The following PRDM5 variants were observed in gnomAD, a reference collection of about 807,000 sequenced individuals.
PRDM5 encodes PR domain zinc finger protein 5.
In PRDM5, 56 loss-of-function variants were observed where a neutral mutation model predicts 81.2. The observed-to-expected ratio is 0.69, with a 90% confidence interval of 0.56 to 0.86. The LOEUF is 0.86. Ranked by LOEUF, PRDM5 falls within the 40% of genes least tolerant of loss-of-function variation. The probability of loss-of-function intolerance (pLI) is 0.00; values close to 1 mark genes in which losing one functional copy is unlikely to be tolerated. For synonymous variants in PRDM5, 267 were observed against 256.4 expected, an observed-to-expected ratio of 1.04 and a Z score of -0.39; for missense variants, 697 against 770.1, an observed-to-expected ratio of 0.91 and a Z score of 1.12.
chr4:120,756,651 T>C (rs1017737914), intron 13 of PRDM5, among the ~76,000 whole-genome samples: 11 of 152,372 alleles, frequency 7.2e-5, no homozygotes, highest in African/African-American at 2.6e-4. Flanking sequence ...CATAGCAGAA[T>C]GTGACTGCTA....
chr4:120,885,904 CA>C (rs1018189828), intron 2 of PRDM5: 2 of 151,276 alleles, frequency 1.3e-5, no homozygotes, highest in African/African-American at 4.9e-5. Context: ...TTCTTTTAGT[CA>C]AACAATTTGG....
intron 1 of PRDM5, among the ~76,000 whole-genome samples, chr4:120,911,764 C>T (rs1035491605): frequency 2.0e-5 from 3 of 152,006 alleles, no homozygotes; most frequent in African/African-American, 7.3e-5. Flanking sequence ...TTCCACAGAC[C>T]AAATTTAGAA....
At chr4:120,785,569 C>T (rs1436164928) in intron 10 of PRDM5, among the ~76,000 whole-genome samples, 1 of 152,150 alleles carries the variant, frequency 6.6e-6, no homozygotes, top group African/African-American at 2.4e-5. Context: ...GTCCTAGGTG[C>T]TGCTTTTCCC....
At chr4:120,792,113 A>T (rs1450576364) in intron 10 of PRDM5, among the ~76,000 whole-genome samples, 1 of 152,180 alleles carries the variant, frequency 6.6e-6, no homozygotes, top group African/African-American at 2.4e-5. Flanking sequence ...CCCATTACAA[A>T]CTGTGACCGA....
intron 7 of PRDM5, among the ~76,000 whole-genome samples, chr4:120,814,425 A>G (rs943980043): frequency 6.6e-6 from 1 of 152,216 alleles, no homozygotes; most frequent in African/African-American, 2.4e-5. Context: ...AATTAATACA[A>G]CTGTACTGAA....
Position 120,817,040 on chromosome 4 carries a change from T to A in PRDM5, c.651-116A>T, listed in dbSNP as rs1036520811. 1.7e-5 allele frequency: 15 copies of A among 903,758 alleles called. No individual in the cohort carries two copies. In the African/African-American group the frequency reaches 2.3e-4, roughly 14 times the overall value. The allele number at this position is 903,758 out of a possible 1,614,324, so 56.0% of individuals were successfully genotyped here. A position where few individuals can be genotyped will look rare whatever the true frequency, so the allele number is the denominator to read the frequency against. On this transcript the variant is annotated intron_variant, in intron 5 of 15. Coordinates refer to ENST00000264808, the MANE Select transcript of PRDM5 (RefSeq NM_018699.4). ...ATGTTCGTGATCCCTTTTTTCATTG[T>A]CTTTTGCCTTTTTAAATTTTTAGCA...
In PRDM5 at chr4:120,693,518, T is replaced by C. The variant is rs1335585977; in HGVS notation, c.*1593A>G. On this transcript the variant is annotated 3_prime_UTR_variant, in exon 16 of 16. Transcript: ENST00000264808. ...AATACTACATATAACTATACTTAAA[T>C]ATCTTCTAAACTATAATTTTAGGAT... 6.6e-6 allele frequency: 1 copy of C among 152,126 alleles called. No homozygotes were observed. The highest frequency in any genetic ancestry group is 1.5e-5 in the Non-Finnish European group (1 of 68,008). The allele number at this position is 152,126 out of a possible 1,614,324, so 9.4% of individuals were successfully genotyped here.
rs184120617 is a variant in PRDM5, at chr4:120,732,929, T to C, written c.1623+21624A>G. Among the ~76,000 whole-genome samples the C allele has an allele frequency of 5.9e-5, 9 of 152,354 alleles. No homozygotes were observed. In the South Asian group the frequency reaches 1.7e-3, roughly 28 times the overall value. On this transcript the variant is annotated intron_variant, in intron 14 of 15. Transcript: ENST00000264808. ...CTGTGACTCTAGACTGCACTCAAAA[T>C]AGGTCACAAATAATGAAGACATTTT...
At chr4:120,815,921 T>C (rs994512924) in intron 7 of PRDM5, 4 of 180,356 alleles carry the variant, frequency 2.2e-5, no homozygotes, top group Non-Finnish European at 3.5e-5. Context: ...AAATTTTATA[T>C]TTGTTTTATT....
At chr4:120,850,144 T>G (rs1416438901) in intron 3 of PRDM5, among the ~76,000 whole-genome samples, 1 of 152,114 alleles carries the variant, frequency 6.6e-6, no homozygotes, top group Non-Finnish European at 1.5e-5. Flanking sequence ...CCAAAAAAGT[T>G]GGACCAAGTA....
chr4:120,864,047 T>G, intron 2 of PRDM5, among the ~76,000 whole-genome samples: 1 of 152,202 alleles, frequency 6.6e-6, no homozygotes, highest in East Asian at 1.9e-4. Flanking sequence ...GGGCCACCCC[T>G]GTAAGGCGTT....
At chr4:120,748,120 T>C (rs74322256) in intron 14 of PRDM5, among the ~76,000 whole-genome samples, 106 of 152,326 alleles carry the variant, frequency 7.0e-4, no homozygotes, top group African/African-American at 2.4e-3. Context: ...AGATGATCCA[T>C]AGTTCCTAAG....
chr4:120,779,463 A>T (rs1408579818), intron 12 of PRDM5, among the ~76,000 whole-genome samples: 1 of 152,184 alleles, frequency 6.6e-6, no homozygotes, highest in African/African-American at 2.4e-5. Context: ...TTCATGCAAA[A>T]AGTAATTAAA....
chr4:120,906,675 G>T (rs1765831692), intron 2 of PRDM5, among the ~76,000 whole-genome samples: 1 of 152,106 alleles, frequency 6.6e-6, no homozygotes, highest in Non-Finnish European at 1.5e-5. Context: ...GGCATATACA[G>T]ATCTCTGCTT....
intron 13 of PRDM5, among the ~76,000 whole-genome samples, chr4:120,770,930 AG>A (rs1747192666): frequency 1.3e-5 from 2 of 152,134 alleles, no homozygotes; most frequent in Non-Finnish European, 2.9e-5. Flanking sequence ...TAGAAATAAA[AG>A]CAGTTAATAA....
intron 2 of PRDM5, among the ~76,000 whole-genome samples, chr4:120,863,234 G>GTA (rs1760842071): frequency 1.6e-4 from 15 of 91,076 alleles, no homozygotes; most frequent in African/African-American, 5.1e-4. Context: ...ACATATATAT[G>GTA]TATATATATA....
chr4:120,699,165 T>TAAATAA (rs1426312649), intron 15 of PRDM5, among the ~76,000 whole-genome samples: 649 of 26,878 alleles, frequency 0.024, 16 homozygotes, highest in Middle Eastern at 0.091. Flanking sequence ...AATATAAATA[T>TAAATAA]ATATATATAT....
chr4:120,802,596 G>A (rs190847666), intron 8 of PRDM5, among the ~76,000 whole-genome samples: 1 of 152,196 alleles, frequency 6.6e-6, no homozygotes, highest in Non-Finnish European at 1.5e-5. Context: ...AGGCAAAGAG[G>A]GTCTGGAGTG....
At chr4:120,818,620 G>A (rs180894307) in intron 4 of PRDM5, 93 bp from the exon 5 acceptor site, 1 of 1,062,236 alleles carries the variant, frequency 9.4e-7, no homozygotes, top group South Asian at 1.3e-5. Flanking sequence ...TTAATTAATT[G>A]TGCTTAATGA....
Sources: gnomAD v4.1 joint callset for allele counts (sites outside exome capture counted in the v4.1 genomes callset) on GRCh38, gnomAD v4.1.1 for gene constraint, MANE v1.5 for transcripts, NCBI Gene and HGNC (gene_info 2026-07-23, HGNC 2026-07-21) for gene names.